The following EPHA6 variants were observed in gnomAD, a reference collection of about 807,000 sequenced individuals.
EPHA6 encodes the protein EPH receptor A6, also known as ephrin type-A receptor 6.
EPHA6 carries 50 observed loss-of-function variants against 112.0 expected under a neutral mutation model. The observed-to-expected ratio is 0.45, with a 90% CI of 0.36 to 0.56. The LOEUF (loss-of-function observed/expected upper bound fraction) is 0.56. Ranked by LOEUF, EPHA6 falls within the 20% of genes least tolerant of loss-of-function variation. EPHA6 has a pLI of 0.00. For missense variants in EPHA6, 1,280 were observed against 1,417.4 expected (o/e 0.90, Z 1.56); for synonymous variants, 529 against 490.7 (o/e 1.08, Z -1.03).
intron 11 of EPHA6, among the ~76,000 whole-genome samples, chr3:97,551,978 G>A (rs2093034967): frequency 1.3e-5 from 2 of 152,110 alleles, no homozygotes; most frequent in African/African-American, 4.8e-5. Flanking sequence ...TTCCCTAAAA[G>A]AGGATATATA....
At chr3:97,197,374 CTT>C (rs1023610419) in intron 3 of EPHA6, among the ~76,000 whole-genome samples, 8 of 151,992 alleles carry the variant, frequency 5.3e-5, no homozygotes, top group African/African-American at 1.9e-4. Context: ...TCCAAGCGCT[CTT>C]TAGTCATCAC....
At chr3:97,451,413 CTA>C (rs2090526392) in intron 7 of EPHA6, among the ~76,000 whole-genome samples, 1 of 151,694 alleles carries the variant, frequency 6.6e-6, no homozygotes, top group Admixed American at 6.6e-5. Flanking sequence ...ATGGTGAAAA[CTA>C]TGTTCTGAAT....
At chr3:97,137,048 A>T (rs1350461938) in intron 3 of EPHA6, among the ~76,000 whole-genome samples, 1 of 152,226 alleles carries the variant, frequency 6.6e-6, no homozygotes, top group African/African-American at 2.4e-5. Context: ...CATCCAGATT[A>T]TAAGATCCTT....
At chr3:97,150,153 T>G (rs937667599) in intron 3 of EPHA6, among the ~76,000 whole-genome samples, 2 of 151,648 alleles carry the variant, frequency 1.3e-5, no homozygotes, top group African/African-American at 2.4e-5. Flanking sequence ...CCTGTTCTAG[T>G]TAAAAAATTG....
At chr3:97,342,938 A>G (rs991879551) in intron 5 of EPHA6, among the ~76,000 whole-genome samples, 4 of 152,228 alleles carry the variant, frequency 2.6e-5, no homozygotes, top group Admixed American at 2.0e-4. Flanking sequence ...TAATTGGTAC[A>G]GAGAGGTGGA....
In EPHA6 at chr3:97,348,601, A is replaced by G. The variant is rs145419102; in HGVS notation, c.1607-56549A>G. On this transcript the variant is annotated intron_variant, in intron 5 of 17. Transcript: ENST00000389672. ...GCATTTCTTAAGCAACTAATTATGCATAACTAGGCTAGGTGAGCACAGTTA... is the reference window on the plus strand; with the variant it reads ...GCATTTCTTAAGCAACTAATTATGCGTAACTAGGCTAGGTGAGCACAGTTA... Among the ~76,000 whole-genome samples the G allele has an allele frequency of 9.5e-4, 145 of 152,238 alleles. 1 individual carries two copies. The highest frequency in any genetic ancestry group is 3.2e-3 in the African/African-American group (131 of 41,580).
At chr3:97,084,336 C>T (rs932624954) in intron 3 of EPHA6, among the ~76,000 whole-genome samples, 6 of 151,438 alleles carry the variant, frequency 4.0e-5, no homozygotes, top group African/African-American at 1.5e-4. Flanking sequence ...CCTTATAACA[C>T]ACACACACAG....
At chr3:97,094,887 T>C (rs1219421552) in intron 3 of EPHA6, among the ~76,000 whole-genome samples, 1 of 152,232 alleles carries the variant, frequency 6.6e-6, no homozygotes, top group East Asian at 1.9e-4. Context: ...ACAAAATGTG[T>C]AAAGGACTTT....
intron 3 of EPHA6, among the ~76,000 whole-genome samples, chr3:97,193,596 ATT>A (rs138796851): frequency 6.7e-6 from 1 of 149,710 alleles, no homozygotes; most frequent in Admixed American, 6.7e-5. Flanking sequence ...GGATAACTTG[ATT>A]TTTTTTTTCT....
At chr3:97,476,508 A>G (rs1271127293) in intron 8 of EPHA6, among the ~76,000 whole-genome samples, 1 of 152,156 alleles carries the variant, frequency 6.6e-6, no homozygotes, top group Non-Finnish European at 1.5e-5. Context: ...ATTTGTTTTT[A>G]AAACTCTGCT....
intron 3 of EPHA6, among the ~76,000 whole-genome samples, chr3:97,167,539 T>G (rs529516055): frequency 6.6e-6 from 1 of 152,176 alleles, no homozygotes; most frequent in South Asian, 2.1e-4. Flanking sequence ...CTAAGTTAAT[T>G]AGAGAATTGA....
At chr3:97,166,606 G>C (rs1334991951) in intron 3 of EPHA6, among the ~76,000 whole-genome samples, 1 of 152,124 alleles carries the variant, frequency 6.6e-6, no homozygotes, top group Non-Finnish European at 1.5e-5. Context: ...GTTAAATACA[G>C]TGCCTGGGCT....
intron 3 of EPHA6, among the ~76,000 whole-genome samples, chr3:97,100,901 A>G (rs902387855): frequency 1.3e-5 from 2 of 152,168 alleles, no homozygotes; most frequent in East Asian, 3.9e-4. Context: ...AGATTTTAAA[A>G]TAATCATAAA....
chr3:97,753,307 T>C lies in EPHA6; in HGVS notation c.*4606T>C, dbSNP rs1374585404. The stretch of plus-strand genomic sequence containing the variant: ...TTTGCTATGTTTGCTATGGTTGCCA[T>C]GTCACCGGGGGATAGCACTTTCCAT... On this transcript the variant is annotated 3_prime_UTR_variant, in exon 18 of 18. Transcript: ENST00000389672. Among the ~76,000 whole-genome samples, 1 of 152,182 alleles carries C rather than the reference T, an allele frequency of 6.6e-6. No homozygotes were observed. Among genetic ancestry groups the C allele is most frequent in the East Asian group, 1.9e-4 (1 of 5,192 alleles).
intron 3 of EPHA6, among the ~76,000 whole-genome samples, chr3:97,180,233 T>A (rs2076951039): frequency 6.6e-6 from 1 of 151,992 alleles, no homozygotes; most frequent in Admixed American, 6.6e-5. Context: ...GGCCAAGGTC[T>A]CTTGCTTGTC....
chr3:97,640,784 A>T (rs1051778755), intron 14 of EPHA6, among the ~76,000 whole-genome samples: 2 of 152,138 alleles, frequency 1.3e-5, no homozygotes, highest in African/African-American at 2.4e-5. Context: ...CCATTTCAAA[A>T]AAAAAACAAA....
intron 3 of EPHA6, among the ~76,000 whole-genome samples, chr3:97,066,727 C>A (rs970913989): frequency 6.6e-6 from 1 of 152,082 alleles, no homozygotes; most frequent in African/African-American, 2.4e-5. Flanking sequence ...GATTTCAGGG[C>A]AGAGATTATT....
chr3:97,040,236 A>G (rs919385450), intron 3 of EPHA6, among the ~76,000 whole-genome samples: 2 of 151,916 alleles, frequency 1.3e-5, no homozygotes, highest in African/African-American at 4.8e-5. Context: ...TTTATTTTAA[A>G]TAAATTTTAG....
chr3:97,335,145 T>G (rs551848259), intron 5 of EPHA6, among the ~76,000 whole-genome samples: 1 of 152,142 alleles, frequency 6.6e-6, no homozygotes, highest in African/African-American at 2.4e-5. Flanking sequence ...CTCCAGAAGG[T>G]CATTAGGCTT....
Sources: gnomAD v4.1 joint callset for allele counts (sites outside exome capture counted in the v4.1 genomes callset) on GRCh38, gnomAD v4.1.1 for gene constraint, MANE v1.5 for transcripts, NCBI Gene and HGNC (gene_info 2026-07-23, HGNC 2026-07-21) for gene names.